NUDCD3: variants seen among roughly 807,000 people sequenced by gnomAD.
The protein encoded by NUDCD3 is NudC domain containing 3, also known as nudC domain-containing protein 3.
Under a neutral mutation model 39.7 loss-of-function variants are expected in NUDCD3, and 13 were observed. The observed-to-expected ratio is 0.33, with a 90% CI of 0.21 to 0.52. NUDCD3 has a LOEUF of 0.52. Ranked by LOEUF, NUDCD3 falls within the 20% of genes least tolerant of loss-of-function variation. The pLI is 0.96. For synonymous variants in NUDCD3, 175 were observed against 172.4 expected (o/e 1.02, Z -0.12); for missense variants, 453 against 458.1 (o/e 0.99, Z 0.10).
At chr7:44,454,483 C>T (rs1799855919) in intron 2 of NUDCD3, among the ~76,000 whole-genome samples, 1 of 152,256 alleles carries the variant, frequency 6.6e-6, no homozygotes, top group Non-Finnish European at 1.5e-5. Context: ...ATCCTTTCAT[C>T]TGCTCTTCAT....
chr7:44,397,431 C>CCA (rs1184531804), intron 4 of NUDCD3, among the ~76,000 whole-genome samples: 2 of 152,186 alleles, frequency 1.3e-5, no homozygotes, highest in African/African-American at 4.8e-5. Context: ...TGCACCCCTA[C>CCA]CAGTAGCACA....
chr7:44,430,342 C>T (rs1585073455), intron 2 of NUDCD3, among the ~76,000 whole-genome samples: 1 of 152,166 alleles, frequency 6.6e-6, no homozygotes, highest in Admixed American at 6.5e-5. Context: ...CAAGTTTCCA[C>T]AGGATCCTTC....
chr7:44,389,908 G>A (rs1034356972), intron 5 of NUDCD3, among the ~76,000 whole-genome samples: 9 of 152,158 alleles, frequency 5.9e-5, no homozygotes, highest in South Asian at 2.1e-4. Context: ...ACCTCCATGC[G>A]TGTCTTTGGC....
intron 4 of NUDCD3, chr7:44,402,911 G>A (rs2116872708): frequency 3.9e-6 from 1 of 257,838 alleles, no homozygotes; most frequent in Non-Finnish European, 8.0e-6. Flanking sequence ...CCACAACCAC[G>A]TGAAGCTCAA....
chr7:44,426,736 C>T (rs1308966216), intron 3 of NUDCD3, among the ~76,000 whole-genome samples: 1 of 147,462 alleles, frequency 6.8e-6, no homozygotes, highest in Non-Finnish European at 1.5e-5. Context: ...GCGGAGCTTG[C>T]AGTGAGCTGA....
intron 2 of NUDCD3, among the ~76,000 whole-genome samples, chr7:44,452,879 T>C (rs555805495): frequency 1.1e-4 from 16 of 152,328 alleles, no homozygotes; most frequent in African/African-American, 3.8e-4. Flanking sequence ...GCTATTATGC[T>C]TTAAAAGTCC....
At chr7:44,440,496 G>GAAAAAAAAAAAAAAA (rs72065068) in intron 2 of NUDCD3, among the ~76,000 whole-genome samples, 7 of 48,382 alleles carry the variant, frequency 1.4e-4, no homozygotes, top group Non-Finnish European at 2.4e-4. Context: ...CAGAAAAATT[G>GAAAAAAAAAAAAAAA]AAAAAAAAAA....
chr7:44,441,897 G>C (rs1799592180), intron 2 of NUDCD3, among the ~76,000 whole-genome samples: 1 of 152,170 alleles, frequency 6.6e-6, no homozygotes, highest in Non-Finnish European at 1.5e-5. Flanking sequence ...AGACCACAGA[G>C]ATGAGCAGCC....
chr7:44,386,207 G>A, intron 5 of NUDCD3, 86 bp from the exon 6 acceptor site: 2 of 1,438,618 alleles, frequency 1.4e-6, no homozygotes, highest in East Asian at 4.7e-5. Flanking sequence ...CAGGTAGAGA[G>A]CCTTCTTGCT....
chr7:44,437,647 T>TA (rs1168376079), intron 2 of NUDCD3, among the ~76,000 whole-genome samples: 1 of 152,188 alleles, frequency 6.6e-6, no homozygotes, highest in Non-Finnish European at 1.5e-5. Flanking sequence ...CTCCTTTTAA[T>TA]AAAAAATTCT....
intron 2 of NUDCD3, among the ~76,000 whole-genome samples, chr7:44,439,576 C>G (rs1158325670): frequency 7.2e-6 from 1 of 139,262 alleles, no homozygotes; most frequent in Non-Finnish European, 1.5e-5. Context: ...CCTGTAGTGC[C>G]AAAAAGTAAG....
At chr7:44,466,801 G>C (rs1463160753) in intron 2 of NUDCD3, among the ~76,000 whole-genome samples, 1 of 152,232 alleles carries the variant, frequency 6.6e-6, no homozygotes, top group Non-Finnish European at 1.5e-5. Flanking sequence ...CTGCAAAGCA[G>C]GAGGCATGCT....
At chr7:44,406,642 G>A (rs1326493103) in intron 3 of NUDCD3, among the ~76,000 whole-genome samples, 1 of 152,142 alleles carries the variant, frequency 6.6e-6, no homozygotes, top group Non-Finnish European at 1.5e-5. Context: ...AATCATCAAG[G>A]GAGAAAACCA....
At chr7:44,468,365 A>AG in intron 2 of NUDCD3, 5 of 1,311,826 alleles carry the variant, frequency 3.8e-6, no homozygotes, top group East Asian at 2.4e-5. Flanking sequence ...AAAAAAAAAA[A>AG]AAAAAGAAAA....
chr7:44,488,079 G>A (rs1269086949), intron 1 of NUDCD3, among the ~76,000 whole-genome samples: 1 of 152,172 alleles, frequency 6.6e-6, no homozygotes, highest in Admixed American at 6.5e-5. Context: ...GCTCACACCT[G>A]TAATCCTAGC....
At chr7:44,398,695 C>A (rs1259408288) in intron 4 of NUDCD3, among the ~76,000 whole-genome samples, 1 of 152,200 alleles carries the variant, frequency 6.6e-6, no homozygotes, top group Non-Finnish European at 1.5e-5. Context: ...AAGCAATGTG[C>A]CCAGCGAGGA....
At chr7:44,439,436 C>T (rs1799533255) in intron 2 of NUDCD3, among the ~76,000 whole-genome samples, 1 of 152,112 alleles carries the variant, frequency 6.6e-6, no homozygotes, top group African/African-American at 2.4e-5. Context: ...AGCCACGTGC[C>T]CTCTGAGTGC....
intron 2 of NUDCD3, among the ~76,000 whole-genome samples, chr7:44,428,245 G>A (rs909647437): frequency 6.6e-6 from 1 of 151,604 alleles, no homozygotes; most frequent in African/African-American, 2.4e-5. Context: ...AAACCAACCT[G>A]GCTAACATGG....
At chr7:44,476,622 C>G (rs112844067) in intron 2 of NUDCD3, among the ~76,000 whole-genome samples, 7,019 of 152,202 alleles carry the variant, frequency 0.046, 578 homozygotes, top group African/African-American at 0.16. Flanking sequence ...TTATAAGCCA[C>G]CCAGGCTACA....
Sources: allele counts gnomAD v4.1 joint callset (sites outside exome capture counted in the v4.1 genomes callset), GRCh38; gene constraint gnomAD v4.1.1; transcripts MANE v1.5; gene names NCBI Gene and HGNC (gene_info 2026-07-23, HGNC 2026-07-21).